The following OXR1 variants were observed in gnomAD, a reference collection of about 807,000 sequenced individuals.
OXR1 encodes the protein oxidation resistance 1, also known as oxidation resistance protein 1.
A neutral mutation model predicts 104.6 loss-of-function variants in OXR1; 41 were observed. The observed-to-expected ratio is 0.39, with a 90% CI of 0.31 to 0.51. The LOEUF (loss-of-function observed/expected upper bound fraction) is 0.51. OXR1 is among the 20% of genes least tolerant of loss of function. The pLI, the probability that OXR1 is intolerant of heterozygous loss-of-function variation, is 0.77. For synonymous variants in OXR1, 348 were observed against 348.4 expected (o/e 1.00, Z 0.01); for missense variants, 955 against 1,031.9 (o/e 0.93, Z 1.02).
intron 2 of OXR1, among the ~76,000 whole-genome samples, chr8:106,455,681 G>A (rs893799162): frequency 1.3e-5 from 2 of 152,128 alleles, no homozygotes; most frequent in African/African-American, 4.8e-5. Context: ...CAGTCACCTG[G>A]CATACTGGGC....
At chr8:106,674,095 A>G (rs956161626) in intron 3 of OXR1, among the ~76,000 whole-genome samples, 2 of 152,178 alleles carry the variant, frequency 1.3e-5, no homozygotes, top group Non-Finnish European at 2.9e-5. Context: ...TCCAGACCTC[A>G]GAATGGTAAA....
At chr8:106,618,238 T>C in intron 3 of OXR1, 3 of 1,358,666 alleles carry the variant, frequency 2.2e-6, no homozygotes, top group South Asian at 2.5e-5. Context: ...GAAAGTCAGA[T>C]ACAGCGGACA....
At chr8:106,428,603 A>G (rs1423562004) in intron 2 of OXR1, among the ~76,000 whole-genome samples, 6 of 146,822 alleles carry the variant, frequency 4.1e-5, no homozygotes, top group Admixed American at 3.4e-4. Context: ...TGGAGCTGCC[A>G]ATGTCTTTTT....
intron 3 of OXR1, among the ~76,000 whole-genome samples, chr8:106,594,631 TAA>T (rs2130716560): frequency 1.3e-5 from 2 of 152,172 alleles, no homozygotes; most frequent in South Asian, 4.2e-4. Context: ...TAGTTGAAAA[TAA>T]AGTTTTGGCA....
chr8:106,415,658 G>A (rs920441204), intron 2 of OXR1, among the ~76,000 whole-genome samples: 5 of 151,856 alleles, frequency 3.3e-5, no homozygotes, highest in Non-Finnish European at 7.4e-5. Context: ...ACATAATTAA[G>A]TTACTTATAA....
intron 2 of OXR1, among the ~76,000 whole-genome samples, chr8:106,515,539 T>C (rs1280351425): frequency 6.6e-6 from 1 of 152,178 alleles, no homozygotes; most frequent in Non-Finnish European, 1.5e-5. Flanking sequence ...TTGTGTGGTA[T>C]TTGTCTTTCT....
At chr8:106,343,431 A>G (rs1815339874) in intron 1 of OXR1, among the ~76,000 whole-genome samples, 2 of 152,222 alleles carry the variant, frequency 1.3e-5, no homozygotes, top group Non-Finnish European at 2.9e-5. Flanking sequence ...GTTTCTCTTC[A>G]TATTTCAGTT....
intron 11 of OXR1, among the ~76,000 whole-genome samples, chr8:106,714,797 G>A (rs1563739206): frequency 6.6e-6 from 1 of 152,088 alleles, no homozygotes; most frequent in Admixed American, 6.6e-5. Flanking sequence ...GTTTGTGGCT[G>A]TTAATGTGAT....
At position 106,398,922 on chromosome 8, in the gene OXR1, TG is replaced by T. The variant is rs139247534; in HGVS notation, c.23+39287del. On this transcript the variant is annotated intron_variant, in intron 2 of 16. Transcript: ENST00000517566. ...GTTCTCTAAAAATAATCCTTTCACA[TG>T]CACATCTGGGGATTTTTTTCTCATC... Among the ~76,000 whole-genome samples, 1,355 of 152,306 alleles carry T rather than the reference TG, an allele frequency of 8.9e-3. 18 individuals carry two copies. The highest frequency in any genetic ancestry group is 0.031 in the African/African-American group (1,268 of 41,568).
chr8:106,575,960 AAAGAG>A (rs1355850360), intron 3 of OXR1, among the ~76,000 whole-genome samples: 13 of 149,992 alleles, frequency 8.7e-5, no homozygotes, highest in Admixed American at 8.1e-4. Flanking sequence ...AGAAAATGAC[AAAGAG>A]AAGAGATAGA....
chr8:106,650,625 G>A (rs1434779981), intron 3 of OXR1, among the ~76,000 whole-genome samples: 1 of 152,092 alleles, frequency 6.6e-6, no homozygotes. Flanking sequence ...GGTGATACAT[G>A]CATATTATAC....
chr8:106,533,020 G>A (rs549290602), intron 3 of OXR1, among the ~76,000 whole-genome samples: 3 of 152,050 alleles, frequency 2.0e-5, no homozygotes, highest in Non-Finnish European at 2.9e-5. Flanking sequence ...ACCTGACATC[G>A]TTTTTCTTTT....
chr8:106,597,087 G>A (rs947345844), intron 3 of OXR1, among the ~76,000 whole-genome samples: 1 of 152,042 alleles, frequency 6.6e-6, no homozygotes, highest in African/African-American at 2.4e-5. Flanking sequence ...CTAGTACGTG[G>A]TATGTACACC....
At chr8:106,521,283 G>A (rs1201501892) in intron 3 of OXR1, among the ~76,000 whole-genome samples, 3 of 152,004 alleles carry the variant, frequency 2.0e-5, no homozygotes, top group Non-Finnish European at 4.4e-5. Flanking sequence ...ATATGCCAGG[G>A]GCAATTTAAG....
At chr8:106,513,012 TAAG>T (rs1242688211) in intron 2 of OXR1, among the ~76,000 whole-genome samples, 1 of 152,160 alleles carries the variant, frequency 6.6e-6, no homozygotes, top group Non-Finnish European at 1.5e-5. Context: ...TTCATTCATT[TAAG>T]CCAAAAAGTG....
intron 2 of OXR1, among the ~76,000 whole-genome samples, chr8:106,514,048 T>C (rs566983484): frequency 1.3e-5 from 2 of 152,268 alleles, no homozygotes; most frequent in Non-Finnish European, 2.9e-5. Context: ...CTTCTTTTCC[T>C]TATTTCCTAG....
intron 3 of OXR1, among the ~76,000 whole-genome samples, chr8:106,652,281 C>G (rs1417392898): frequency 6.6e-6 from 1 of 151,766 alleles, no homozygotes; most frequent in Non-Finnish European, 1.5e-5. Context: ...AGAGAGGCAG[C>G]AAATATGGAT....
In OXR1 at chr8:106,335,207, T is replaced by C. The variant is rs570137354; in HGVS notation, c.-138-24269T>C. On this transcript the variant is annotated intron_variant, in intron 1 of 16. Transcript: ENST00000517566. The stretch of plus-strand genomic sequence containing the variant: ...GCCTCAAATTTTCAAACTCTCACAT[T>C]ACCTTCTTTAGGAAGCTTGCCTAGC... Among the ~76,000 whole-genome samples, 57 of 152,244 alleles carry C rather than the reference T, an allele frequency of 3.7e-4. No homozygotes were observed. The South Asian group carries it at 0.011, about 29-fold the overall frequency.
chr8:106,552,476 AACATT>A (rs770918764), intron 3 of OXR1, among the ~76,000 whole-genome samples: 79 of 152,278 alleles, frequency 5.2e-4, no homozygotes, highest in Non-Finnish European at 1.0e-3. Flanking sequence ...AAACTATTAT[AACATT>A]TAAAAACCAA....
Sources: allele counts gnomAD v4.1 joint callset (sites outside exome capture counted in the v4.1 genomes callset), GRCh38; gene constraint gnomAD v4.1.1; transcripts MANE v1.5; gene names NCBI Gene and HGNC (gene_info 2026-07-23, HGNC 2026-07-21).